Variants in CNTN1 observed in about 807,000 individuals in gnomAD.
The protein encoded by CNTN1 is contactin-1.
In CNTN1, 38 loss-of-function variants were observed where a neutral mutation model predicts 126.4. The ratio of observed to expected loss-of-function variants is 0.30; its 90% CI spans 0.23 to 0.39. The LOEUF is 0.39. Ranked by LOEUF, CNTN1 falls within the 10% of genes least tolerant of loss-of-function variation. The pLI is 1.00. For missense variants in CNTN1, 1,009 were observed against 1,248.4 expected, an observed-to-expected ratio of 0.81 and a Z score of 2.89; for synonymous variants, 413 against 422.6, an observed-to-expected ratio of 0.98 and a Z score of 0.28.
At chr12:41,015,829 A>G (rs886991516) in intron 18 of CNTN1, among the ~76,000 whole-genome samples, 1 of 152,182 alleles carries the variant, frequency 6.6e-6, no homozygotes, top group East Asian at 1.9e-4. Flanking sequence ...TTTATTAATA[A>G]TAGGTGATTA....
rs1056153404 is a variant in CNTN1, at chr12:40,993,194, C to T, written c.2038C>T (p.Arg680Cys). 21 of 1,613,450 alleles carry T rather than the reference C, an allele frequency of 1.3e-5. No homozygotes were observed. The highest frequency in any genetic ancestry group is 1.6e-4 in the Middle Eastern group (1 of 6,084). Residue 680 changes from arginine to cysteine, a missense_variant, in exon 17 of 24, where the codon CGC (arginine) becomes TGC (cysteine). Coordinates refer to ENST00000551295, the MANE Select transcript of CNTN1 (RefSeq NM_001843.4). The stretch of plus-strand genomic sequence containing the variant: ...AATCCCATGGATGGAGTATGAATTC[C>T]GCGTGGTAGCAACCAATACACTGGG... ...DLIPWMEYEF[R>C]VVATNTLGRG...
At chr12:40,784,980 A>G (rs1344195038) in intron 1 of CNTN1, among the ~76,000 whole-genome samples, 4 of 152,118 alleles carry the variant, frequency 2.6e-5, no homozygotes, top group Admixed American at 2.0e-4. Context: ...GTGTGAACCT[A>G]AATTCAAGGC....
At chr12:40,732,206 A>G (rs774149411) in intron 1 of CNTN1, among the ~76,000 whole-genome samples, 55 of 152,190 alleles carry the variant, frequency 3.6e-4, no homozygotes, top group Non-Finnish European at 5.9e-4. Flanking sequence ...TCTGCAAAGT[A>G]TTCAGTATGT....
chr12:40,925,287 AT>A (rs1160302632), intron 6 of CNTN1, among the ~76,000 whole-genome samples: 1 of 151,902 alleles, frequency 6.6e-6, no homozygotes, highest in Admixed American at 6.6e-5. Flanking sequence ...TATTTATCAA[AT>A]ATCTCTTTGA....
chr12:41,052,464 G>A (rs1949710854), intron 23 of CNTN1, among the ~76,000 whole-genome samples: 1 of 152,098 alleles, frequency 6.6e-6, no homozygotes, highest in Non-Finnish European at 1.5e-5. Flanking sequence ...AGCAATATTT[G>A]TACTAGCTTT....
rs1415911459 is a variant in CNTN1 at position 40,978,301 on chromosome 12, GA to G, written c.1805-2607del. On this transcript the variant is annotated intron_variant, in intron 15 of 23. Coordinates refer to ENST00000551295, the MANE Select transcript of CNTN1 (RefSeq NM_001843.4). ...TATTTTTCTCAGGCATTTTTGGGGAGATATTTGTAGGCAATTACTAGATGGA... is the reference window on the plus strand; with the variant it reads ...TATTTTTCTCAGGCATTTTTGGGGAGTATTTGTAGGCAATTACTAGATGGA... Among the ~76,000 whole-genome samples, 8 of 151,850 alleles carry G rather than the reference GA, an allele frequency of 5.3e-5. No homozygotes were observed. In the East Asian group the frequency reaches 1.5e-3, roughly 29 times the overall value.
intron 1 of CNTN1, among the ~76,000 whole-genome samples, chr12:40,895,337 T>C (rs547690888): frequency 6.6e-5 from 10 of 152,306 alleles, no homozygotes; most frequent in African/African-American, 2.4e-4. Flanking sequence ...CATTTTCTAT[T>C]GCTTCAAAAC....
intron 1 of CNTN1, among the ~76,000 whole-genome samples, chr12:40,721,700 C>T (rs996298709): frequency 1.0e-5 from 1 of 99,094 alleles, no homozygotes; most frequent in Non-Finnish European, 2.0e-5. Context: ...ATCCCTCCCC[C>T]CTCCCCCCAC....
At chr12:40,795,857 A>C (rs1940407994) in intron 1 of CNTN1, among the ~76,000 whole-genome samples, 1 of 152,068 alleles carries the variant, frequency 6.6e-6, no homozygotes, top group African/African-American at 2.4e-5. Flanking sequence ...GCAATGTGCT[A>C]AGTGTTTTTT....
intron 19 of CNTN1, among the ~76,000 whole-genome samples, chr12:41,018,415 C>T (rs760400316): frequency 1.6e-4 from 24 of 151,940 alleles, no homozygotes; most frequent in Non-Finnish European, 2.9e-4. Context: ...TCATCGGTCA[C>T]AGAATTATTA....
At chr12:40,924,881 CATATATAT>C (rs138237336) in intron 6 of CNTN1, among the ~76,000 whole-genome samples, 8 of 112,092 alleles carry the variant, frequency 7.1e-5, no homozygotes, top group Non-Finnish European at 9.5e-5. Context: ...AGTTTATAAA[CATATATAT>C]ATATATATAG....
intron 14 of CNTN1, among the ~76,000 whole-genome samples, chr12:40,949,977 G>A (rs543720953): frequency 6.4e-4 from 98 of 152,048 alleles, no homozygotes; most frequent in Admixed American, 2.8e-3. Context: ...GATTCGAGCC[G>A]AAAAAAATTA....
At chr12:40,936,549 A>G (rs1946086902) in intron 9 of CNTN1, among the ~76,000 whole-genome samples, 2 of 152,172 alleles carry the variant, frequency 1.3e-5, no homozygotes, top group South Asian at 2.1e-4. Flanking sequence ...ACAAAACATG[A>G]TTTACAAATG....
chr12:40,694,219 C>A lies in CNTN1; in HGVS notation c.-77+1627C>A, dbSNP rs950209685. Among the ~76,000 whole-genome samples, 10 of 152,268 alleles carry A rather than the reference C, an allele frequency of 6.6e-5. No homozygotes were observed. The East Asian group carries it at 1.9e-3, about 29-fold the overall frequency. ...GACTAAGGAACTGCTAGAACCCTTG[C>A]GGGGGTAGATGTGAGGTATTTCTTT... On this transcript the variant is annotated intron_variant, in intron 1 of 23. Transcript: ENST00000551295.
At chr12:40,723,160 C>T (rs1942263887) in intron 1 of CNTN1, among the ~76,000 whole-genome samples, 1 of 152,172 alleles carries the variant, frequency 6.6e-6, no homozygotes, top group South Asian at 2.1e-4. Flanking sequence ...GCCGACTTCG[C>T]TCCTTATCTG....
At chr12:40,838,082 G>A (rs1034018168) in intron 1 of CNTN1, among the ~76,000 whole-genome samples, 4 of 152,136 alleles carry the variant, frequency 2.6e-5, no homozygotes, top group African/African-American at 4.8e-5. Context: ...TTCCCCACTC[G>A]GGGTACTGAG....
At chr12:40,984,516 C>G (rs1460282243) in intron 16 of CNTN1, among the ~76,000 whole-genome samples, 1 of 152,146 alleles carries the variant, frequency 6.6e-6, no homozygotes, top group African/African-American at 2.4e-5. Context: ...AAGAGAGAAG[C>G]AAGGTGCTAG....
chr12:40,695,028 G>C (rs1035891734), intron 1 of CNTN1, among the ~76,000 whole-genome samples: 3 of 152,132 alleles, frequency 2.0e-5, no homozygotes, highest in African/African-American at 4.8e-5. Context: ...AGAATCTCTA[G>C]TAGACTATTT....
At chr12:40,946,419 G>C (rs752901418) in intron 14 of CNTN1, among the ~76,000 whole-genome samples, 3 of 151,966 alleles carry the variant, frequency 2.0e-5, no homozygotes, top group Non-Finnish European at 4.4e-5. Flanking sequence ...TTCAACAATT[G>C]AATAGCATTT....
Sources: gnomAD v4.1 joint callset for allele counts (sites outside exome capture counted in the v4.1 genomes callset) on GRCh38, gnomAD v4.1.1 for gene constraint, MANE v1.5 for transcripts, NCBI Gene and HGNC (gene_info 2026-07-23, HGNC 2026-07-21) for gene names.